Variants in PLXNA2 observed in about 807,000 individuals in gnomAD.
PLXNA2 encodes the protein plexin-A2.
In PLXNA2, 91 loss-of-function variants were observed where a neutral mutation model predicts 193.5. The observed-to-expected ratio is 0.47, with a 90% confidence interval of 0.40 to 0.56. PLXNA2 has a LOEUF of 0.56. Among genes scored for constraint, PLXNA2 ranks in the 20% least tolerant of loss-of-function variants. The pLI, the probability that PLXNA2 is intolerant of heterozygous loss-of-function variation, is 0.00. For missense variants in PLXNA2, 1,995 were observed against 2,503.2 expected (o/e 0.80, Z 4.33); for synonymous variants, 997 against 1,027.3 (o/e 0.97, Z 0.56).
chr1:208,128,173 G>A (rs1335536817), intron 4 of PLXNA2, among the ~76,000 whole-genome samples: 1 of 152,224 alleles, frequency 6.6e-6, no homozygotes, highest in Admixed American at 6.5e-5. Context: ...GAGCCCAGCT[G>A]ACGGCAGGAG....
rs560668403 is a variant in PLXNA2, at chr1:208,137,349, C to T, written c.1506+4980G>A. On this transcript the variant is annotated intron_variant, in intron 4 of 31. Coordinates refer to ENST00000367033, the MANE Select transcript of PLXNA2 (RefSeq NM_025179.4). ...ATTGCTTCCATCCCTATACTCTTTT[C>T]CCATCCACCCTGTGTATAGATTTAT... Among the ~76,000 whole-genome samples the T allele has an allele frequency of 1.3e-4, 20 of 152,340 alleles. No homozygotes were observed. The East Asian group carries it at 3.9e-3, about 29-fold the overall frequency.
rs531781042 is a variant in PLXNA2 at position 208,210,924 on chromosome 1, G to A, written c.1189-462C>T. On this transcript the variant is annotated intron_variant, in intron 2 of 31. Transcript: ENST00000367033. ...TTTCTTGTTTGTTTCTTGGGCTGTA[G>A]GGTCTCCCTTTGGGTGCAAGAAATT... 1.1e-3 allele frequency among the ~76,000 whole-genome samples: 161 copies of A among 152,270 alleles called. 3 individuals are homozygous for A. In the South Asian group the frequency reaches 0.032, roughly 30 times the overall value.
chr1:208,188,115 G>A (rs964550397), intron 3 of PLXNA2, among the ~76,000 whole-genome samples: 2 of 152,136 alleles, frequency 1.3e-5, no homozygotes, highest in East Asian at 1.9e-4. Context: ...CCCAGATCAC[G>A]TCTTGAGGGG....
At chr1:208,218,659 AGCTGTTAGAACT>A (rs1671224716) in intron 1 of PLXNA2, among the ~76,000 whole-genome samples, 1 of 152,232 alleles carries the variant, frequency 6.6e-6, no homozygotes, top group Admixed American at 6.5e-5. Context: ...CTGTTAGAAC[AGCTGTTAGAACT>A]TGTTAGGAAA....
At chr1:208,158,228 T>C (rs1668996947) in intron 3 of PLXNA2, among the ~76,000 whole-genome samples, 1 of 152,236 alleles carries the variant, frequency 6.6e-6, no homozygotes, top group Admixed American at 6.5e-5. Context: ...TCCCTCTGTC[T>C]GTTTTTACTC....
chr1:208,080,306 G>A (rs1288147077), intron 11 of PLXNA2, among the ~76,000 whole-genome samples: 1 of 152,094 alleles, frequency 6.6e-6, no homozygotes, highest in East Asian at 1.9e-4. Flanking sequence ...AACATTTGGA[G>A]TGTGCAAACC....
intron 2 of PLXNA2, among the ~76,000 whole-genome samples, chr1:208,214,426 T>C (rs1405710915): frequency 6.6e-6 from 1 of 152,230 alleles, no homozygotes; most frequent in Non-Finnish European, 1.5e-5. Context: ...GTGGTAGGAC[T>C]GATTTTTAAT....
intron 3 of PLXNA2, among the ~76,000 whole-genome samples, chr1:208,152,697 A>G (rs865974824): frequency 6.6e-6 from 1 of 151,538 alleles, no homozygotes; most frequent in Non-Finnish European, 1.5e-5. Context: ...ACACACACAC[A>G]CACACACACA....
At chr1:208,104,281 G>A in intron 4 of PLXNA2, among the ~76,000 whole-genome samples, 1 of 152,238 alleles carries the variant, frequency 6.6e-6, no homozygotes, top group Admixed American at 6.5e-5. Flanking sequence ...GCATCCTCCT[G>A]AGAGGTTCAG....
rs148394446 is a variant in PLXNA2, at chr1:208,052,433, G to C, written c.2887C>G (p.Arg963Gly). 6.2e-7 allele frequency: 1 copy of C among 1,614,116 alleles called. No individual in the cohort carries two copies. The highest frequency in any genetic ancestry group is 1.1e-5 in the South Asian group (1 of 91,070). ...ATAGTGCCTCCTGACTCGGGACCTC[G>C]GATTGGGTTGAGTGACAGCACAGAA... ...NPSVLSLNPI[R>G]GPESGGTMVT... The change falls in exon 15 of 32, where the codon CGA becomes GGA. Residue 963 changes from arginine to glycine, a missense_variant. Arg to Gly is a moderately radical substitution (Grantham distance 125). This residue lies in a region of PLXNA2 where 1,291 missense variants were observed against 1,673.6 expected (regional missense o/e 0.77). Coordinates refer to ENST00000367033, the MANE Select transcript of PLXNA2 (RefSeq NM_025179.4).
chr1:208,031,449 CTGTT>C (rs76190764), intron 29 of PLXNA2, 137 bp downstream of exon 29: 560,891 of 1,320,626 alleles, frequency 0.42, 124,448 homozygotes, highest in East Asian at 0.72. Flanking sequence ...CATATGTGCA[CTGTT>C]TGTTCCAGGA....
At chr1:208,168,887 A>C (rs575299995) in intron 3 of PLXNA2, among the ~76,000 whole-genome samples, 1 of 152,118 alleles carries the variant, frequency 6.6e-6, no homozygotes, top group East Asian at 1.9e-4. Context: ...ACTTCTCAGC[A>C]GGCACAAGAA....
At position 208,099,024 on chromosome 1, in the gene PLXNA2, C is replaced by G. The variant is rs1667008712; in HGVS notation, c.1608-55G>C. 4 of 1,597,458 alleles carry G rather than the reference C, an allele frequency of 2.5e-6. No individual in the cohort carries two copies. The East Asian group carries it at 9.0e-5, about 36-fold the overall frequency. ...AGGCCTCTGGGACCCATCTGTTTGG[C>G]TCCATTGTCCCCTGGGCAGGATGGG... On this transcript the variant is annotated intron_variant, in intron 5 of 31. Coordinates refer to ENST00000367033, the MANE Select transcript of PLXNA2 (RefSeq NM_025179.4).
chr1:208,142,977 AAAC>A (rs1385615307), intron 3 of PLXNA2, among the ~76,000 whole-genome samples: 1 of 152,214 alleles, frequency 6.6e-6, no homozygotes, highest in Non-Finnish European at 1.5e-5. Context: ...TTCAGCCCCC[AAAC>A]ATATGCCCTG....
At chr1:208,172,700 C>A (rs553486078) in intron 3 of PLXNA2, among the ~76,000 whole-genome samples, 451 of 152,296 alleles carry the variant, frequency 3.0e-3, no homozygotes, top group Middle Eastern at 0.014. Flanking sequence ...ATGGTACTAT[C>A]CATCTTGGCA....
chr1:208,062,207 G>A (rs1558171789), intron 12 of PLXNA2, among the ~76,000 whole-genome samples: 1 of 152,184 alleles, frequency 6.6e-6, no homozygotes, highest in Non-Finnish European at 1.5e-5. Flanking sequence ...TGTGCTGGTG[G>A]AGTGTCCGAT....
chr1:208,203,744 ACAGC>A (rs758292127), intron 3 of PLXNA2, among the ~76,000 whole-genome samples: 5,965 of 152,296 alleles, frequency 0.039, 171 homozygotes, highest in East Asian at 0.1. Context: ...TAGTATAGCT[ACAGC>A]TCAGTTTCCT....
intron 12 of PLXNA2, among the ~76,000 whole-genome samples, chr1:208,063,430 G>T (rs1003040237): frequency 5.3e-5 from 8 of 152,208 alleles, no homozygotes; most frequent in African/African-American, 1.9e-4. Context: ...GCATAATTCA[G>T]CTTATATTGT....
At chr1:208,126,300 C>G (rs1300704864) in intron 4 of PLXNA2, among the ~76,000 whole-genome samples, 1 of 152,142 alleles carries the variant, frequency 6.6e-6, no homozygotes, top group Non-Finnish European at 1.5e-5. Context: ...CTGGCTCCCC[C>G]ATGAGGAAAC....
Sources: allele counts gnomAD v4.1 joint callset (sites outside exome capture counted in the v4.1 genomes callset), GRCh38; gene constraint gnomAD v4.1.1; regional missense constraint gnomAD v4.1.1; transcripts MANE v1.5; gene names NCBI Gene and HGNC (gene_info 2026-07-23, HGNC 2026-07-21).